MBNL2: variants seen among roughly 807,000 people sequenced by gnomAD.
MBNL2 encodes the protein muscleblind like splicing regulator 2.
Under a neutral mutation model 41.9 loss-of-function variants are expected in MBNL2, and 17 were observed. The observed-to-expected ratio is 0.41, with a 90% CI of 0.28 to 0.61. The LOEUF (loss-of-function observed/expected upper bound fraction) is 0.61, where lower values mean the gene tolerates loss of function less well. MBNL2 is among the 20% of genes least tolerant of loss of function. MBNL2 has a pLI of 0.35. For synonymous variants in MBNL2, 195 were observed against 182.9 expected (o/e 1.07, Z -0.53); for missense variants, 336 against 505.6 (o/e 0.66, Z 3.22).
intron 1 of MBNL2, among the ~76,000 whole-genome samples, chr13:97,241,737 C>T (rs538772434): frequency 6.6e-6 from 1 of 152,170 alleles, no homozygotes; most frequent in Non-Finnish European, 1.5e-5. Context: ...ATTGGAGAAC[C>T]CTGAGACCAA....
At chr13:97,267,802 C>T (rs910766264) in intron 1 of MBNL2, among the ~76,000 whole-genome samples, 2 of 152,176 alleles carry the variant, frequency 1.3e-5, no homozygotes, top group Non-Finnish European at 2.9e-5. Context: ...GGGGGCAGCC[C>T]GGCCAGCACT....
At chr13:97,256,541 C>T (rs1310233457) in intron 1 of MBNL2, among the ~76,000 whole-genome samples, 3 of 152,108 alleles carry the variant, frequency 2.0e-5, no homozygotes, top group East Asian at 1.9e-4. Context: ...GGAATATCTC[C>T]GCCAAATGCT....
At position 97,261,510 on chromosome 13, in the gene MBNL2, T is replaced by C. The variant is rs565724320; in HGVS notation, c.-604-14122T>C. Among the ~76,000 whole-genome samples, 7 of 152,296 alleles carry C rather than the reference T, an allele frequency of 4.6e-5. No homozygotes were observed. The South Asian group carries it at 1.5e-3, about 32-fold the overall frequency. ...CCTTTGAAATTTGGCAGCACCCTTTTTCTGCCTCTGCTTTCCACTGGCCAA... is the reference window on the plus strand; with the variant it reads ...CCTTTGAAATTTGGCAGCACCCTTTCTCTGCCTCTGCTTTCCACTGGCCAA... On this transcript the variant is annotated intron_variant, in intron 1 of 8. Coordinates refer to ENST00000679496, the MANE Select transcript of MBNL2 (RefSeq NM_001382683.1).
chr13:97,231,601 G>A (rs1178226148), intron 1 of MBNL2, among the ~76,000 whole-genome samples: 1 of 152,170 alleles, frequency 6.6e-6, no homozygotes, highest in Non-Finnish European at 1.5e-5. Flanking sequence ...TTGCACCAAT[G>A]TGGCTGGGGC....
At chr13:97,200,196 C>T in the MBNL2 span, among the ~76,000 whole-genome samples, 1 of 152,218 alleles carries the variant, frequency 6.6e-6, no homozygotes, top group Non-Finnish European at 1.5e-5. Flanking sequence ...CACGTACACC[C>T]ACTCCAGGCC....
the MBNL2 span, among the ~76,000 whole-genome samples, chr13:97,166,837 T>TAGAAAGAA: frequency 0.02 from 2,861 of 143,396 alleles, 50 homozygotes; most frequent in African/African-American, 0.041. Context: ...GATAGATAGA[T>TAGAAAGAA]AGAAAGATAG....
chr13:97,202,305 G>A, the MBNL2 span, among the ~76,000 whole-genome samples: 38 of 152,084 alleles, frequency 2.5e-4, no homozygotes, highest in African/African-American at 8.2e-4. Flanking sequence ...TTTCCATAAC[G>A]AAAAGTTAAC....
intron 2 of MBNL2, among the ~76,000 whole-genome samples, chr13:97,317,115 G>T (rs1205949956): frequency 6.6e-6 from 1 of 152,128 alleles, no homozygotes; most frequent in Admixed American, 6.5e-5. Flanking sequence ...GAGACAGGGT[G>T]GGTATGTATC....
chr13:97,377,401 C>A (rs539451843), intron 8 of MBNL2, among the ~76,000 whole-genome samples: 1 of 152,346 alleles, frequency 6.6e-6, no homozygotes, highest in East Asian at 1.9e-4. Context: ...TCCCCTCCAT[C>A]AAGCCGCAAT....
chr13:97,190,939 C>G, the MBNL2 span, among the ~76,000 whole-genome samples: 2 of 151,850 alleles, frequency 1.3e-5, no homozygotes, highest in Admixed American at 1.3e-4. Flanking sequence ...TGCTTTTATT[C>G]CAGATAATAA....
In MBNL2 at chr13:97,342,922, T is replaced by C. The variant is rs1566428986; in HGVS notation, c.340-94T>C. On this transcript the variant is annotated intron_variant, in intron 3 of 8. Transcript: ENST00000679496. ...AGCTATACAATTAACACAGAGTATA[T>C]GATGAATACATTTTGCTCAAATGAC... The C allele has an allele frequency of 6.9e-6, 5 of 726,856 alleles. No individual in the cohort carries two copies. The East Asian group carries it at 1.3e-4, about 19-fold the overall frequency. The allele number at this position is 726,856 out of a possible 1,614,324, so 45.0% of individuals were successfully genotyped here. A position where few individuals can be genotyped will look rare whatever the true frequency, so the allele number is the denominator to read the frequency against.
intron 1 of MBNL2, among the ~76,000 whole-genome samples, chr13:97,267,445 G>A (rs1243463441): frequency 3.9e-5 from 6 of 152,162 alleles, no homozygotes; most frequent in Admixed American, 2.6e-4. Flanking sequence ...ACAGAACCTC[G>A]TTTCTTTCTT....
chr13:97,368,499 G>A (rs2064057704), intron 8 of MBNL2, among the ~76,000 whole-genome samples: 1 of 152,048 alleles, frequency 6.6e-6, no homozygotes, highest in African/African-American at 2.4e-5. Flanking sequence ...GATAAGTTTA[G>A]CCTTTTGGGC....
intron 6 of MBNL2, among the ~76,000 whole-genome samples, chr13:97,357,148 A>T (rs1306083471): frequency 6.6e-6 from 1 of 152,248 alleles, no homozygotes; most frequent in Non-Finnish European, 1.5e-5. Flanking sequence ...TAAAGAAAAG[A>T]ATAGGTATTA....
At chr13:97,313,650 A>G (rs1039327874) in intron 2 of MBNL2, among the ~76,000 whole-genome samples, 1 of 152,218 alleles carries the variant, frequency 6.6e-6, no homozygotes, top group Admixed American at 6.5e-5. Flanking sequence ...TTCTCCCTGC[A>G]GCACTGCTCC....
chr13:97,307,024 A>C lies in MBNL2; in HGVS notation c.175-27252A>C, dbSNP rs201733969. ...GACTTTTGATTTTTATCAATATAGC[A>C]TCTTATTCCTTATTGTTCAAGGCAT... On this transcript the variant is annotated intron_variant, in intron 2 of 8. Coordinates refer to ENST00000679496, the MANE Select transcript of MBNL2 (RefSeq NM_001382683.1). Among the ~76,000 whole-genome samples the C allele has an allele frequency of 1.4e-4, 21 of 152,304 alleles. No homozygotes were observed. In the South Asian group the frequency reaches 4.4e-3, roughly 32 times the overall value.
At chr13:97,345,201 C>A (rs960679058) in intron 4 of MBNL2, among the ~76,000 whole-genome samples, 1 of 152,184 alleles carries the variant, frequency 6.6e-6, no homozygotes, top group Admixed American at 6.5e-5. Context: ...ACTTGAATTT[C>A]ATGTCAGGGG....
At chr13:97,215,005 C>T in the MBNL2 span, among the ~76,000 whole-genome samples, 6 of 152,368 alleles carry the variant, frequency 3.9e-5, no homozygotes, top group African/African-American at 1.4e-4. Context: ...GATCACTCAG[C>T]CCCTGCCTCA....
At chr13:97,208,475 G>A in the MBNL2 span, among the ~76,000 whole-genome samples, 1 of 152,160 alleles carries the variant, frequency 6.6e-6, no homozygotes, top group African/African-American at 2.4e-5. Context: ...AATAGAACTG[G>A]ATAGTTCCTA....
Sources: gnomAD v4.1 joint callset for allele counts (sites outside exome capture counted in the v4.1 genomes callset) on GRCh38, gnomAD v4.1.1 for gene constraint, MANE v1.5 for transcripts, NCBI Gene and HGNC (gene_info 2026-07-23, HGNC 2026-07-21) for gene names.